SLC25A26: variants seen among roughly 807,000 people sequenced by gnomAD.
SLC25A26 encodes the protein mitochondrial S-adenosylmethionine carrier protein.
Under a neutral mutation model 37.8 loss-of-function variants are expected in SLC25A26, and 36 were observed. The ratio of observed to expected loss-of-function variants is 0.95; its 90% confidence interval spans 0.73 to 1.26. SLC25A26 has a LOEUF of 1.26. Ranked by LOEUF, SLC25A26 falls within the 50% of genes most tolerant of loss-of-function variation. The probability of loss-of-function intolerance (pLI) is 0.00; values close to 1 mark genes in which losing one functional copy is unlikely to be tolerated. For synonymous variants in SLC25A26, 129 were observed against 122.5 expected (o/e 1.05, Z -0.35); for missense variants, 390 against 331.1 (o/e 1.18, Z -1.38).
chr3:66,356,164 C>T, intron 6 of SLC25A26: 1 of 441,142 alleles, frequency 2.3e-6, no homozygotes, highest in Non-Finnish European at 4.5e-6. Flanking sequence ...TTGGGTGGGT[C>T]TTTTAAAAGT....
intron 1 of SLC25A26, among the ~76,000 whole-genome samples, chr3:66,213,684 T>A (rs2071319268): frequency 6.6e-6 from 1 of 152,184 alleles, no homozygotes; most frequent in Non-Finnish European, 1.5e-5. Flanking sequence ...GGTGTAGTAC[T>A]TTCTATGGAT....
At chr3:66,282,343 A>G (rs918239428) in intron 5 of SLC25A26, among the ~76,000 whole-genome samples, 1 of 151,946 alleles carries the variant, frequency 6.6e-6, no homozygotes, top group Admixed American at 6.5e-5. Flanking sequence ...TTGGAGTTTC[A>G]CCATGTTGGC....
intron 2 of SLC25A26, among the ~76,000 whole-genome samples, chr3:66,238,893 C>T (rs1339147726): frequency 6.6e-5 from 10 of 152,054 alleles, no homozygotes; most frequent in African/African-American, 2.2e-4. Flanking sequence ...GAAGCAGGCT[C>T]ACATAGTGTA....
intron 9 of SLC25A26, among the ~76,000 whole-genome samples, chr3:66,374,772 T>G (rs1292619178): frequency 2.0e-5 from 3 of 152,026 alleles, no homozygotes; most frequent in African/African-American, 7.2e-5. Flanking sequence ...TCCCAGCTAC[T>G]TGGGAAGCTG....
At chr3:66,274,182 A>G (rs2074051811) in intron 5 of SLC25A26, among the ~76,000 whole-genome samples, 1 of 151,992 alleles carries the variant, frequency 6.6e-6, no homozygotes, top group South Asian at 2.1e-4. Flanking sequence ...GGTGCTGGGA[A>G]AACTGGCTAG....
At chr3:66,330,661 A>T (rs1373138092) in intron 5 of SLC25A26, among the ~76,000 whole-genome samples, 1 of 146,170 alleles carries the variant, frequency 6.8e-6, no homozygotes, top group Non-Finnish European at 1.5e-5. Context: ...GTGGGTAGGC[A>T]TTTTTTTTTT....
intron 1 of SLC25A26, among the ~76,000 whole-genome samples, chr3:66,182,848 C>T (rs2070742270): frequency 6.6e-6 from 1 of 151,922 alleles, no homozygotes; most frequent in African/African-American, 2.4e-5. Context: ...GCTCAATGAG[C>T]CTGAAGGATG....
At chr3:66,283,132 A>G (rs1487877342) in intron 5 of SLC25A26, among the ~76,000 whole-genome samples, 1 of 152,182 alleles carries the variant, frequency 6.6e-6, no homozygotes, top group East Asian at 1.9e-4. Context: ...TTCTTTTGGT[A>G]TCATTATTAA....
chr3:66,262,039 T>G lies in SLC25A26; in HGVS notation c.301-12T>G, dbSNP rs1384310603. ...ATTTACTTTTTAGGATATAATCAAATTTGTCTTTTAGGTTGCCTGCCTGAT... is the reference window on the plus strand; with the variant it reads ...ATTTACTTTTTAGGATATAATCAAAGTTGTCTTTTAGGTTGCCTGCCTGAT... On this transcript the variant is annotated splice_polypyrimidine_tract_variant and intron_variant, in intron 3 of 9. Transcript: ENST00000354883. 4.0e-6 allele frequency: 6 copies of G among 1,511,736 alleles called. No homozygotes were observed. Among genetic ancestry groups the G allele is most frequent in the Non-Finnish European group, 5.4e-6 (6 of 1,113,026 alleles). The allele number at this position is 1,511,736 out of a possible 1,614,324, so 93.6% of individuals were successfully genotyped here.
chr3:66,263,325 G>C lies in SLC25A26; in HGVS notation c.406-7G>C, dbSNP rs374894859. ...TTTCTGAACTCTCGGCTGTGTGTTT[G>C]TTTCAGGGTATCCAAGGGTTGTATC... On this transcript the variant is annotated splice_polypyrimidine_tract_variant and splice_region_variant and intron_variant, in intron 4 of 9. Transcript: ENST00000354883. 1.6e-5 allele frequency: 25 copies of C among 1,610,932 alleles called. No individual in the cohort carries two copies. The African/African-American group carries it at 2.8e-4, about 18-fold the overall frequency.
At chr3:66,360,602 G>A (rs373032985) in intron 6 of SLC25A26, among the ~76,000 whole-genome samples, 2 of 152,320 alleles carry the variant, frequency 1.3e-5, no homozygotes, top group African/African-American at 4.8e-5. Flanking sequence ...TTCAGTTTCT[G>A]CATATTAGCA....
At chr3:66,214,509 C>G (rs2071332555) in intron 1 of SLC25A26, among the ~76,000 whole-genome samples, 1 of 152,148 alleles carries the variant, frequency 6.6e-6, no homozygotes, top group African/African-American at 2.4e-5. Flanking sequence ...AAATCCTTGC[C>G]TATTTAAAAT....
intron 5 of SLC25A26, among the ~76,000 whole-genome samples, chr3:66,336,898 C>G (rs2076103315): frequency 6.6e-6 from 1 of 152,132 alleles, no homozygotes; most frequent in Non-Finnish European, 1.5e-5. Flanking sequence ...AGAACCTCAA[C>G]TAGCAAAAAT....
intron 5 of SLC25A26, among the ~76,000 whole-genome samples, chr3:66,296,567 G>C (rs2074908642): frequency 2.0e-5 from 3 of 152,148 alleles, no homozygotes; most frequent in Admixed American, 6.5e-5. Context: ...GGGAGTATGT[G>C]TTCATATGTG....
chr3:66,163,251 T>C (rs911779382), intron 1 of SLC25A26, among the ~76,000 whole-genome samples: 2 of 152,222 alleles, frequency 1.3e-5, no homozygotes, highest in Non-Finnish European at 2.9e-5. Flanking sequence ...TGCCACAATC[T>C]GTCAGGGGCC....
chr3:66,342,405 T>C (rs1164825358), intron 5 of SLC25A26, among the ~76,000 whole-genome samples: 1 of 152,212 alleles, frequency 6.6e-6, no homozygotes, highest in Non-Finnish European at 1.5e-5. Flanking sequence ...CTTACTTATT[T>C]TTAAAAAATA....
At chr3:66,328,637 G>T (rs946990684) in intron 5 of SLC25A26, among the ~76,000 whole-genome samples, 2 of 152,136 alleles carry the variant, frequency 1.3e-5, no homozygotes, top group Admixed American at 6.5e-5. Context: ...CAGCATTCAA[G>T]AAATAACTTA....
chr3:66,178,402 C>A (rs1241620545), intron 1 of SLC25A26, among the ~76,000 whole-genome samples: 1 of 152,198 alleles, frequency 6.6e-6, no homozygotes, highest in Non-Finnish European at 1.5e-5. Flanking sequence ...AAGGTTCCAT[C>A]CCCGCCTCCT....
chr3:66,145,037 C>T (rs927867695), intron 1 of SLC25A26, among the ~76,000 whole-genome samples: 1 of 152,078 alleles, frequency 6.6e-6, no homozygotes, highest in African/African-American at 2.4e-5. Context: ...AGAAATGATG[C>T]ATGCCAGAAG....
Sources: allele counts gnomAD v4.1 joint callset (sites outside exome capture counted in the v4.1 genomes callset), GRCh38; gene constraint gnomAD v4.1.1; transcripts MANE v1.5; gene names NCBI Gene and HGNC (gene_info 2026-07-23, HGNC 2026-07-21).